The following FBLN7 variants were observed in gnomAD, a reference collection of about 807,000 sequenced individuals.
The protein encoded by FBLN7 is fibulin 7.
In FBLN7, 31 loss-of-function variants were observed where a neutral mutation model predicts 44.0. That is an observed-to-expected ratio of 0.70 (90% CI 0.53 to 0.95). The LOEUF (loss-of-function observed/expected upper bound fraction) is 0.95. Ranked by LOEUF, FBLN7 falls within the 40% of genes least tolerant of loss-of-function variation. The pLI, the probability that FBLN7 is intolerant of heterozygous loss-of-function variation, is 0.00. For synonymous variants in FBLN7, 262 were observed against 253.4 expected (o/e 1.03, Z -0.32); for missense variants, 573 against 618.5 (o/e 0.93, Z 0.78).
intron 1 of FBLN7, chr2:112,152,465 G>T (rs1179396224): frequency 6.6e-6 from 1 of 152,336 alleles, no homozygotes; most frequent in East Asian, 1.9e-4. Flanking sequence ...GGGGTGCAGA[G>T]CCCCAAAGGG....
downstream of FBLN7, among the ~76,000 whole-genome samples, chr2:112,192,715 T>G (rs1457015818): frequency 6.6e-6 from 1 of 152,224 alleles, no homozygotes; most frequent in Non-Finnish European, 1.5e-5. Flanking sequence ...TTGCTCACTT[T>G]CCACCAACCA....
chr2:112,143,178 G>A (rs1680737198), intron 1 of FBLN7, among the ~76,000 whole-genome samples: 1 of 152,234 alleles, frequency 6.6e-6, no homozygotes, highest in Non-Finnish European at 1.5e-5. Flanking sequence ...GGAAGGAAGG[G>A]AGGCTGAGAA....
the FBLN7 span, among the ~76,000 whole-genome samples, chr2:112,207,624 C>T: frequency 6.6e-6 from 1 of 152,104 alleles, no homozygotes; most frequent in East Asian, 1.9e-4. Flanking sequence ...GTTGAAGTTA[C>T]CAAATATAAT....
the FBLN7 span, among the ~76,000 whole-genome samples, chr2:112,209,602 G>A: frequency 6.6e-6 from 1 of 152,206 alleles, no homozygotes; most frequent in Non-Finnish European, 1.5e-5. Flanking sequence ...ACTACATTGA[G>A]AATGTCAACA....
chr2:112,204,964 G>A, the FBLN7 span, among the ~76,000 whole-genome samples: 1 of 151,932 alleles, frequency 6.6e-6, no homozygotes, highest in Non-Finnish European at 1.5e-5. Context: ...AATGACAACT[G>A]CATAAAGCAA....
the FBLN7 span, chr2:112,233,998 T>G: frequency 1.7e-6 from 1 of 599,530 alleles, no homozygotes; most frequent in Non-Finnish European, 2.6e-6. Flanking sequence ...CACTAAAATT[T>G]TCTAACTGAT....
chr2:112,162,159 T>G (rs1261208930), intron 2 of FBLN7, among the ~76,000 whole-genome samples: 1 of 151,846 alleles, frequency 6.6e-6, no homozygotes, highest in Non-Finnish European at 1.5e-5. Flanking sequence ...GGATTACAGG[T>G]GCACACCACT....
chr2:112,144,650 G>A (rs112165031), intron 1 of FBLN7, among the ~76,000 whole-genome samples: 7,542 of 151,314 alleles, frequency 0.05, 237 homozygotes, highest in African/African-American at 0.085. Context: ...TCAGCCTTCC[G>A]TGAGTAGCTG....
the FBLN7 span, among the ~76,000 whole-genome samples, chr2:112,225,474 T>C: frequency 4.6e-5 from 7 of 152,042 alleles, no homozygotes; most frequent in African/African-American, 1.4e-4. Context: ...CAAGACCCTA[T>C]GTCTAAAAAA....
chr2:112,185,465 G>A (rs1683225713), intron 7 of FBLN7, 126 bp downstream of exon 7: 1 of 1,302,902 alleles, frequency 7.7e-7, no homozygotes, highest in Non-Finnish European at 1.0e-6. Context: ...AGGAGGCTGG[G>A]AGGCTGGTGT....
chr2:112,161,140 G>C (rs984033992), intron 2 of FBLN7, among the ~76,000 whole-genome samples: 1 of 152,180 alleles, frequency 6.6e-6, no homozygotes, highest in Non-Finnish European at 1.5e-5. Context: ...AGAGATGGGC[G>C]GCTGGTTTTC....
At chr2:112,181,932 G>A (rs754142667) in intron 5 of FBLN7, 56 bp downstream of exon 5, 116 of 1,506,322 alleles carry the variant, frequency 7.7e-5, no homozygotes, top group Non-Finnish European at 9.1e-5. Context: ...CATGGGGCGG[G>A]GAAGGGGCTC....
At chr2:112,149,968 G>T (rs1397514468) in intron 1 of FBLN7, among the ~76,000 whole-genome samples, 1 of 152,242 alleles carries the variant, frequency 6.6e-6, no homozygotes, top group African/African-American at 2.4e-5. Flanking sequence ...GTGGGGCTGG[G>T]TGCCTAAGTA....
intron 6 of FBLN7, among the ~76,000 whole-genome samples, chr2:112,184,439 C>T (rs1313088194): frequency 2.6e-5 from 4 of 152,052 alleles, no homozygotes; most frequent in African/African-American, 9.7e-5. Context: ...ACACTCCCTC[C>T]CTCCCACAGT....
At chr2:112,168,700 C>T (rs1026566943) in intron 3 of FBLN7, among the ~76,000 whole-genome samples, 1 of 152,198 alleles carries the variant, frequency 6.6e-6, no homozygotes, top group Non-Finnish European at 1.5e-5. Context: ...AGTGACCAAA[C>T]CTAGAAACTT....
chr2:112,217,742 T>C, the FBLN7 span, among the ~76,000 whole-genome samples: 1 of 152,236 alleles, frequency 6.6e-6, no homozygotes, highest in Non-Finnish European at 1.5e-5. Flanking sequence ...TAATTTTTGC[T>C]TAAAAGCTTG....
intron 1 of FBLN7, among the ~76,000 whole-genome samples, chr2:112,159,109 T>C (rs1299911142): frequency 6.6e-6 from 1 of 152,160 alleles, no homozygotes; most frequent in Admixed American, 6.5e-5. Context: ...TGATCCTCCA[T>C]TTTCTGCCTT....
chr2:112,181,951 C>T (rs750821856), intron 5 of FBLN7, 75 bp downstream of exon 5: 6 of 1,466,232 alleles, frequency 4.1e-6, no homozygotes, highest in African/African-American at 1.5e-5. Context: ...TCTCACCCAC[C>T]GCCCTCCTGC....
At position 112,187,493 on chromosome 2, in the gene FBLN7, C is replaced by T; in HGVS notation, c.1307C>T (p.Pro436Leu). The T allele has an allele frequency of 6.2e-7, 1 of 1,614,106 alleles. No homozygotes were observed. The highest frequency in any genetic ancestry group is 8.5e-7 in the Non-Finnish European group (1 of 1,180,010). ...TCCAAGGTCACCATCTTTGTATCCCCCTATGACTTCTGAGGGTACACAGGG... is the reference window on the plus strand; with the variant it reads ...TCCAAGGTCACCATCTTTGTATCCCTCTATGACTTCTGAGGGTACACAGGG... ...HVSKVTIFVS[P>L]YDF is the part of the protein sequence containing the mutation. The change falls in exon 8 of 8, where the codon CCC becomes CTC. Residue 436 changes from proline to leucine, a missense_variant. By Grantham distance (98) the Pro-to-Leu change is moderately conservative. Transcript: ENST00000331203. This position sits in a 1 kb window ranked among gnomAD's most constrained non-coding sequence, Gnocchi z 5.1.
Sources: gnomAD v4.1 joint callset for allele counts (sites outside exome capture counted in the v4.1 genomes callset) on GRCh38, gnomAD v4.1.1 for gene constraint, Gnocchi (gnomAD v3.1) non-coding constraint, MANE v1.5 for transcripts, NCBI Gene and HGNC (gene_info 2026-07-23, HGNC 2026-07-21) for gene names.